The following RADIL variants were observed in gnomAD, a reference collection of about 807,000 sequenced individuals.
RADIL encodes ras-associating and dilute domain-containing protein.
Under a neutral mutation model 97.6 loss-of-function variants are expected in RADIL, and 99 were observed. That is an observed-to-expected ratio of 1.01 (90% CI 0.86 to 1.20). The LOEUF is 1.20. Among genes scored for constraint, RADIL ranks in the 50% most tolerant of loss-of-function variants. The probability of loss-of-function intolerance (pLI) is 0.00; values close to 1 mark genes in which losing one functional copy is unlikely to be tolerated. For missense variants in RADIL, 1,765 were observed against 1,498.9 expected, an observed-to-expected ratio of 1.18 and a Z score of -2.93; for synonymous variants, 803 against 691.8, an observed-to-expected ratio of 1.16 and a Z score of -2.52.
chr7:4,863,995 T>C (rs1269632003), intron 2 of RADIL, among the ~76,000 whole-genome samples: 2 of 152,242 alleles, frequency 1.3e-5, no homozygotes, highest in Admixed American at 6.5e-5. Flanking sequence ...TACTCAGCTA[T>C]GCATTCAAAA....
At chr7:4,851,423 A>C (rs1173929531) in intron 2 of RADIL, among the ~76,000 whole-genome samples, 1 of 152,188 alleles carries the variant, frequency 6.6e-6, no homozygotes, top group Non-Finnish European at 1.5e-5. Context: ...CTCAGAATAA[A>C]GTGAGAACTT....
chr7:4,800,902 C>G (rs867994796), intron 12 of RADIL, among the ~76,000 whole-genome samples: 2 of 152,206 alleles, frequency 1.3e-5, no homozygotes, highest in Non-Finnish European at 1.5e-5. Context: ...ACTCTGCACA[C>G]GCACCCAGGA....
At chr7:4,810,308 C>T (rs1229490561) in intron 9 of RADIL, among the ~76,000 whole-genome samples, 2 of 152,088 alleles carry the variant, frequency 1.3e-5, no homozygotes, top group Non-Finnish European at 2.9e-5. Context: ...TACACATCAC[C>T]ATGCCTGGCT....
intron 2 of RADIL, among the ~76,000 whole-genome samples, chr7:4,864,805 T>TTCTACAACAACTTC (rs2115038309): frequency 6.6e-6 from 1 of 152,292 alleles, no homozygotes; most frequent in East Asian, 1.9e-4. Context: ...CAACTCTCAT[T>TTCTACAACAACTTC]TCAACTTCTA....
chr7:4,879,990 G>A lies in RADIL; in HGVS notation c.-64-1787C>T, dbSNP rs899981596. Among the ~76,000 whole-genome samples the A allele has an allele frequency of 2.0e-5, 3 of 152,142 alleles. No homozygotes were observed. Among genetic ancestry groups the A allele is most frequent in the African/African-American group, 7.2e-5 (3 of 41,424 alleles). On this transcript the variant is annotated intron_variant, in intron 1 of 14. Coordinates refer to ENST00000399583, the MANE Select transcript of RADIL (RefSeq NM_018059.5). The surrounding 1 kb of genome is among the most constrained non-coding windows in gnomAD (Gnocchi z 4.1). ...CTTCAGAAATACTTCCGACAGCTTCGCACACCAGAGACTGGGTTCCCAACG... is the reference window on the plus strand; with the variant it reads ...CTTCAGAAATACTTCCGACAGCTTCACACACCAGAGACTGGGTTCCCAACG...
chr7:4,839,539 T>C (rs1050118706), intron 2 of RADIL, among the ~76,000 whole-genome samples: 4 of 152,152 alleles, frequency 2.6e-5, no homozygotes, highest in Non-Finnish European at 5.9e-5. Context: ...TTCAATTTCA[T>C]AGGATTTAGT....
chr7:4,834,235 G>C lies in RADIL; in HGVS notation c.1416+372C>G, dbSNP rs1215669821. On this transcript the variant is annotated intron_variant, in intron 4 of 14. Coordinates refer to ENST00000399583, the MANE Select transcript of RADIL (RefSeq NM_018059.5). This position sits in a 1 kb window ranked among gnomAD's most constrained non-coding sequence, Gnocchi z 6.0. ...GGCTCTTGGGCAGGGGCCTGTGAGA[G>C]CTATCAATGTCACCTCGGCCTCGTG... is the stretch of plus-strand genomic sequence containing the variant. Among the ~76,000 whole-genome samples, 1 of 152,164 alleles carries C rather than the reference G, an allele frequency of 6.6e-6. No individual in the cohort carries two copies. The highest frequency in any genetic ancestry group is 1.5e-5 in the Non-Finnish European group (1 of 68,026).
In RADIL at chr7:4,818,026, G is replaced by A. The variant is rs990545147; in HGVS notation, c.1616-675C>T. Reference sequence around the variant, plus strand: ...GGGTCCCATCAGCACCTGGGGAAGGGGCCAGGACCCTGGGTGTTCCGCCTT... The same window carrying A: ...GGGTCCCATCAGCACCTGGGGAAGGAGCCAGGACCCTGGGTGTTCCGCCTT... On this transcript the variant is annotated intron_variant, in intron 6 of 14. Coordinates refer to ENST00000399583, the MANE Select transcript of RADIL (RefSeq NM_018059.5). The surrounding 1 kb of genome is among the most constrained non-coding windows in gnomAD (Gnocchi z 7.1). Among the ~76,000 whole-genome samples, 18 of 152,330 alleles carry A rather than the reference G, an allele frequency of 1.2e-4. No homozygotes were observed. The highest frequency in any genetic ancestry group is 3.9e-4 in the Admixed American group (6 of 15,312).
chr7:4,835,340 GC>G lies in RADIL; in HGVS notation c.784-102del. The stretch of plus-strand genomic sequence containing the variant: ...GTTGCTGAAGCAGCGTGGCTGGGAT[GC>G]TGTCGCCACGGGCTCTCCATGTCCC... On this transcript the variant is annotated intron_variant, in intron 3 of 14. Transcript: ENST00000399583. The surrounding 1 kb of genome is among the most constrained non-coding windows in gnomAD (Gnocchi z 5.8). 1 of 1,451,528 alleles carries G rather than the reference GC, an allele frequency of 6.9e-7. No homozygotes were observed. The highest frequency in any genetic ancestry group is 9.3e-7 in the Non-Finnish European group (1 of 1,080,510). The allele number at this position is 1,451,528 out of a possible 1,614,324, so 89.9% of individuals were successfully genotyped here. A position where few individuals can be genotyped will look rare whatever the true frequency, so the allele number is the denominator to read the frequency against.
chr7:4,801,674 G>A lies in RADIL; in HGVS notation c.2821C>T (p.Leu941Phe). The change falls in exon 12 of 15, where the codon CTC becomes TTC. Residue 941 changes from leucine to phenylalanine, a missense_variant. By Grantham distance (22) the Leu-to-Phe change is conservative. Transcript: ENST00000399583. ...TCACCTTCCGGAGCTGCACCCCGGA[G>A]GCCGCTGAGTCCGTTCCTCTGCCTC... ...PERQRNGLSGLRGAAPEGDSA... is the reference protein window; with the variant it reads ...PERQRNGLSGFRGAAPEGDSA... The A allele has an allele frequency of 1.9e-6, 3 of 1,603,298 alleles. No individual in the cohort carries two copies. The highest frequency in any genetic ancestry group is 2.6e-6 in the Non-Finnish European group (3 of 1,176,040).
chr7:4,802,443 G>GT lies in RADIL; in HGVS notation c.2500-449_2500-448insA, dbSNP rs1562425328. On this transcript the variant is annotated intron_variant, in intron 11 of 14. Coordinates refer to ENST00000399583, the MANE Select transcript of RADIL (RefSeq NM_018059.5). ...GGGCACCTCGGGGCACGCTGGCTGG[G>GT]CCCCCTCCCCGGGCACCTCGGGGCA... 1.4e-3 allele frequency among the ~76,000 whole-genome samples: 168 copies of GT among 122,508 alleles called. 3 individuals carry two copies. Among genetic ancestry groups the GT allele is most frequent in the Non-Finnish European group, 2.0e-3 (116 of 57,410 alleles). The allele number at this position is 122,508 out of a possible 152,430, so 80.4% of individuals were successfully genotyped here.
intron 2 of RADIL, chr7:4,860,265 A>C: frequency 1.2e-6 from 2 of 1,613,934 alleles, no homozygotes; most frequent in Non-Finnish European, 1.7e-6. Context: ...AAATCTGTCA[A>C]TCTTCTACCT....
At chr7:4,877,248 T>G (rs10263060) in intron 2 of RADIL, among the ~76,000 whole-genome samples, 33,596 of 152,040 alleles carry the variant, frequency 0.22, 9,289 homozygotes, top group African/African-American at 0.66. Context: ...GTCAAGACTA[T>G]CCTGGGTATC....
Position 4,883,422 on chromosome 7 carries a change from G to T in RADIL, c.-65+174C>A, listed in dbSNP as rs1784525790. On this transcript the variant is annotated intron_variant, in intron 1 of 14. Coordinates refer to ENST00000399583, the MANE Select transcript of RADIL (RefSeq NM_018059.5). The surrounding 1 kb of genome is among the most constrained non-coding windows in gnomAD (Gnocchi z 7.1). ...GGTCCAGGCCGGGGCCCGACAGCCAGTCGGTTCCCATGGCAACTGGGCAAA... is the reference window on the plus strand; with the variant it reads ...GGTCCAGGCCGGGGCCCGACAGCCATTCGGTTCCCATGGCAACTGGGCAAA... Among the ~76,000 whole-genome samples the T allele has an allele frequency of 6.6e-6, 1 of 152,074 alleles. No homozygotes were observed. The highest frequency in any genetic ancestry group is 1.5e-5 in the Non-Finnish European group (1 of 67,982).
intron 10 of RADIL, among the ~76,000 whole-genome samples, chr7:4,804,654 G>A (rs185407733): frequency 6.6e-6 from 1 of 152,262 alleles, no homozygotes; most frequent in Non-Finnish European, 1.5e-5. Context: ...AGGCATGGTG[G>A]CACACACCTG....
rs971363189 is a variant in RADIL at position 4,797,268 on chromosome 7, T to C, written c.*2110A>G. On this transcript the variant is annotated 3_prime_UTR_variant, in exon 15 of 15. Coordinates refer to ENST00000399583, the MANE Select transcript of RADIL (RefSeq NM_018059.5). ...CCCGACTCCACGGGGCCTCCCTTCC[T>C]TGGGGTGATGCCAAGAGCTTCTTTC... 2.0e-5 allele frequency: 3 copies of C among 152,302 alleles called. No individual in the cohort carries two copies. Among genetic ancestry groups the C allele is most frequent in the African/African-American group, 7.2e-5 (3 of 41,462 alleles). 9.4% of individuals were successfully genotyped at this position (152,302 alleles called of 1,614,324 possible).
intron 9 of RADIL, chr7:4,809,714 G>C (rs1406705092): frequency 1.5e-5 from 13 of 861,988 alleles, no homozygotes; most frequent in African/African-American, 1.8e-5. Context: ...ACGGGGTTTC[G>C]CTCTGTCGCC....
In RADIL at chr7:4,806,182, T is replaced by C. The variant is rs1028669902; in HGVS notation, c.2140-466A>G. On this transcript the variant is annotated intron_variant, in intron 9 of 14. Coordinates refer to ENST00000399583, the MANE Select transcript of RADIL (RefSeq NM_018059.5). ...GCTTGTTTTTTGAGACAGAGTCTCA[T>C]GCTGTCACGCAGGTTGGGGTGCAGT... 28 of 624,454 alleles carry C rather than the reference T, an allele frequency of 4.5e-5. No homozygotes were observed. In the South Asian group the frequency reaches 4.9e-4, roughly 11 times the overall value. 38.7% of individuals were successfully genotyped at this position (624,454 alleles called of 1,614,324 possible). A position where few individuals can be genotyped will look rare whatever the true frequency, so the allele number is the denominator to read the frequency against.
At chr7:4,836,694 T>C (rs1783310572) in intron 2 of RADIL, 89 bp from the exon 3 acceptor site, 1 of 1,541,456 alleles carries the variant, frequency 6.5e-7, no homozygotes, top group Non-Finnish European at 8.8e-7. Context: ...TCCCAGCACT[T>C]TGGGAGGCCG....
Sources: allele counts gnomAD v4.1 joint callset (sites outside exome capture counted in the v4.1 genomes callset), GRCh38; gene constraint gnomAD v4.1.1; non-coding constraint Gnocchi (gnomAD v3.1); transcripts MANE v1.5; gene names NCBI Gene and HGNC (gene_info 2026-07-23, HGNC 2026-07-21).